RALGPS1: variants seen among roughly 807,000 people sequenced by gnomAD.
The protein encoded by RALGPS1 is ras-specific guanine nucleotide-releasing factor RalGPS1.
In RALGPS1, 19 loss-of-function variants were observed where a neutral mutation model predicts 78.8. That is an observed-to-expected ratio of 0.24 (90% CI 0.17 to 0.35). RALGPS1 has a LOEUF of 0.35. Ranked by LOEUF, RALGPS1 falls within the 10% of genes least tolerant of loss-of-function variation. The pLI is 1.00. For missense variants in RALGPS1, 454 were observed against 688.3 expected (o/e 0.66, Z 3.81); for synonymous variants, 228 against 256.3 (o/e 0.89, Z 1.06).
chr9:126,918,169 A>AT (rs2034370392), intron 1 of RALGPS1, among the ~76,000 whole-genome samples: 1 of 152,236 alleles, frequency 6.6e-6, no homozygotes. Flanking sequence ...CATTAGTAAA[A>AT]TTAGTGAACT....
chr9:127,088,824 C>T (rs1285665928), intron 8 of RALGPS1: 3 of 1,226,624 alleles, frequency 2.4e-6, no homozygotes, highest in African/African-American at 3.0e-5. Context: ...AATCCAGCAT[C>T]CCGGTCCTCC....
At chr9:127,008,200 A>G (rs2044028202) in intron 4 of RALGPS1, among the ~76,000 whole-genome samples, 1 of 151,930 alleles carries the variant, frequency 6.6e-6, no homozygotes, top group South Asian at 2.1e-4. Flanking sequence ...GGTTTTGCAC[A>G]TGTTGAGTTG....
At chr9:126,986,367 C>T (rs943658335) in intron 4 of RALGPS1, among the ~76,000 whole-genome samples, 1 of 152,146 alleles carries the variant, frequency 6.6e-6, no homozygotes, top group African/African-American at 2.4e-5. Flanking sequence ...AAGTTGTGGC[C>T]TAGAACCCCA....
At chr9:127,086,002 G>C (rs1471396697) in intron 8 of RALGPS1, among the ~76,000 whole-genome samples, 2 of 152,124 alleles carry the variant, frequency 1.3e-5, no homozygotes, top group Non-Finnish European at 2.9e-5. Flanking sequence ...ATTGCTGCCG[G>C]GGTATTCTTA....
rs192924638 is a variant in RALGPS1 at position 127,117,461 on chromosome 9, G to A, written c.610+48105G>A. 2.0e-4 allele frequency among the ~76,000 whole-genome samples: 30 copies of A among 152,346 alleles called. No individual in the cohort carries two copies. The East Asian group carries it at 5.6e-3, about 28-fold the overall frequency. On this transcript the variant is annotated intron_variant, in intron 8 of 18. Transcript: ENST00000259351. Reference sequence around the variant, plus strand: ...CCAGCCACTGTGCCAGCGGCTGGAGGTAGAACAGGAACAAGGTGGGTGAGG... The same window carrying A: ...CCAGCCACTGTGCCAGCGGCTGGAGATAGAACAGGAACAAGGTGGGTGAGG...
At chr9:126,973,841 A>G (rs1041123937) in intron 3 of RALGPS1, among the ~76,000 whole-genome samples, 24 of 152,156 alleles carry the variant, frequency 1.6e-4, no homozygotes, top group African/African-American at 5.6e-4. Flanking sequence ...AAGTGGAGTC[A>G]TATAGTATTT....
At chr9:126,970,691 C>T (rs554066431) in intron 3 of RALGPS1, among the ~76,000 whole-genome samples, 1 of 152,210 alleles carries the variant, frequency 6.6e-6, no homozygotes, top group Admixed American at 6.5e-5. Context: ...TTGAACACTA[C>T]ATGAAAGCAA....
intron 4 of RALGPS1, among the ~76,000 whole-genome samples, chr9:126,993,577 T>G (rs976597477): frequency 2.0e-5 from 3 of 152,106 alleles, no homozygotes; most frequent in Non-Finnish European, 2.9e-5. Flanking sequence ...AAGAACAGTT[T>G]TAGAGTAAAA....
intron 9 of RALGPS1, among the ~76,000 whole-genome samples, chr9:127,167,262 C>T (rs2185222): frequency 0.085 from 12,973 of 152,208 alleles, 1,839 homozygotes; most frequent in African/African-American, 0.29. Flanking sequence ...CACAGCATCC[C>T]CAGGCAGGGT....
At chr9:127,118,067 T>G (rs2055623910) in intron 8 of RALGPS1, among the ~76,000 whole-genome samples, 1 of 152,148 alleles carries the variant, frequency 6.6e-6, no homozygotes, top group South Asian at 2.1e-4. Flanking sequence ...TTTTATTTTT[T>G]ATTTTTGAGA....
intron 8 of RALGPS1, among the ~76,000 whole-genome samples, chr9:127,141,761 C>G (rs2057797734): frequency 6.6e-6 from 1 of 151,824 alleles, no homozygotes; most frequent in Admixed American, 6.6e-5. Context: ...AACTGGCAGG[C>G]TTTTGCTCAT....
intron 8 of RALGPS1, chr9:127,108,285 C>A (rs373873181): frequency 1.4e-5 from 23 of 1,613,872 alleles, no homozygotes; most frequent in East Asian, 8.9e-5. Context: ...ACGCGTTGTC[C>A]CGCTTGCGGA....
At chr9:127,052,124 C>T (rs754329647) in intron 6 of RALGPS1, among the ~76,000 whole-genome samples, 17 of 152,198 alleles carry the variant, frequency 1.1e-4, no homozygotes, top group Non-Finnish European at 2.1e-4. Flanking sequence ...GTAGTGGGAG[C>T]TGGGATTGGA....
Position 127,148,678 on chromosome 9 carries a change from G to A in RALGPS1, c.611-17391G>A, listed in dbSNP as rs560725076. ...TTCAAACCAGGTCTCCCTACCTCCT[G>A]TACTACCCCAGAGAGTAGGGAGGGC... On this transcript the variant is annotated intron_variant, in intron 8 of 18. Transcript: ENST00000259351. Among the ~76,000 whole-genome samples the A allele has an allele frequency of 2.6e-5, 4 of 152,208 alleles. No homozygotes were observed. The South Asian group carries it at 6.2e-4, about 24-fold the overall frequency.
At chr9:127,060,973 G>A (rs2049162565) in intron 7 of RALGPS1, among the ~76,000 whole-genome samples, 1 of 152,168 alleles carries the variant, frequency 6.6e-6, no homozygotes, top group Non-Finnish European at 1.5e-5. Context: ...TTCCAACCCT[G>A]TATTTCAGTG....
At chr9:126,949,846 T>G (rs1450561197) in intron 1 of RALGPS1, among the ~76,000 whole-genome samples, 1 of 152,134 alleles carries the variant, frequency 6.6e-6, no homozygotes, top group East Asian at 1.9e-4. Context: ...TTTTGGCTTT[T>G]GTTGCCATTG....
At chr9:126,954,123 T>C (rs1399580470) in intron 1 of RALGPS1, among the ~76,000 whole-genome samples, 1 of 152,198 alleles carries the variant, frequency 6.6e-6, no homozygotes, top group East Asian at 1.9e-4. Flanking sequence ...CCAAAGGCAT[T>C]GGTCACCCAC....
chr9:127,189,262 TG>T (rs1364402436), intron 11 of RALGPS1, among the ~76,000 whole-genome samples: 1 of 152,200 alleles, frequency 6.6e-6, no homozygotes, highest in African/African-American at 2.4e-5. Context: ...TGTCCTCAAA[TG>T]CTTTCTAGGC....
At chr9:127,069,426 T>C (rs1459903267) in intron 8 of RALGPS1, 70 bp downstream of exon 8, 3 of 1,565,038 alleles carry the variant, frequency 1.9e-6, no homozygotes, top group Admixed American at 1.9e-5. Context: ...TTTTTACAGT[T>C]TCTACCTGAA....
Sources: gnomAD v4.1 joint callset for allele counts (sites outside exome capture counted in the v4.1 genomes callset) on GRCh38, gnomAD v4.1.1 for gene constraint, MANE v1.5 for transcripts, NCBI Gene and HGNC (gene_info 2026-07-23, HGNC 2026-07-21) for gene names.